The following TENM2 variants were observed in gnomAD, a reference collection of about 807,000 sequenced individuals.
TENM2 encodes teneurin transmembrane protein 2.
TENM2 carries 52 observed loss-of-function variants against 245.2 expected under a neutral mutation model. The ratio of observed to expected loss-of-function variants is 0.21; its 90% confidence interval spans 0.17 to 0.27. TENM2 has a LOEUF of 0.27. Among genes scored for constraint, TENM2 ranks in the 10% least tolerant of loss-of-function variants. The pLI is 1.00. For synonymous variants in TENM2, 1,363 were observed against 1,438.9 expected (o/e 0.95, Z 1.19); for missense variants, 3,046 against 3,666.8 (o/e 0.83, Z 4.37).
At chr5:167,439,253 T>G (rs1764750505) in intron 2 of TENM2, among the ~76,000 whole-genome samples, 1 of 152,144 alleles carries the variant, frequency 6.6e-6, no homozygotes, top group African/African-American at 2.4e-5. Context: ...ATTAGAAGCT[T>G]TAAAGTCATT....
intron 3 of TENM2, among the ~76,000 whole-genome samples, chr5:167,941,483 G>A (rs1779174596): frequency 6.6e-6 from 1 of 152,062 alleles, no homozygotes; most frequent in Middle Eastern, 3.2e-3. Flanking sequence ...TAGGAAAATG[G>A]TCCCTTATTC....
At position 167,356,075 on chromosome 5, in the gene TENM2, G is replaced by A. The variant is rs925253427; in HGVS notation, c.227-19123G>A. 1.1e-4 allele frequency among the ~76,000 whole-genome samples: 16 copies of A among 150,258 alleles called. No individual in the cohort carries two copies. The East Asian group carries it at 3.0e-3, about 28-fold the overall frequency. ...CGGGTGCCTGTAATCCCAGCTACTCGGGAGGCTGAGACAGGAGAATCGTTT... is the reference window on the plus strand; with the variant it reads ...CGGGTGCCTGTAATCCCAGCTACTCAGGAGGCTGAGACAGGAGAATCGTTT... On this transcript the variant is annotated intron_variant, in intron 1 of 28. Transcript: ENST00000518659.
chr5:167,253,955 C>T, the TENM2 span, among the ~76,000 whole-genome samples: 5 of 152,048 alleles, frequency 3.3e-5, no homozygotes, highest in Non-Finnish European at 7.4e-5. Flanking sequence ...GGGAAGTTTA[C>T]TTGAATAAGT....
At chr5:167,874,336 G>A (rs755528199) in intron 2 of TENM2, among the ~76,000 whole-genome samples, 4 of 152,008 alleles carry the variant, frequency 2.6e-5, no homozygotes, top group Non-Finnish European at 5.9e-5. Flanking sequence ...ACATTTTATT[G>A]AACCAAATGA....
intron 2 of TENM2, among the ~76,000 whole-genome samples, chr5:167,522,378 T>G (rs1770818743): frequency 1.3e-5 from 2 of 151,508 alleles, no homozygotes; most frequent in African/African-American, 4.9e-5. Flanking sequence ...ACTCTGATGA[T>G]TATGAAAAAG....
At chr5:167,437,857 C>T (rs537314735) in intron 2 of TENM2, among the ~76,000 whole-genome samples, 22 of 152,088 alleles carry the variant, frequency 1.4e-4, no homozygotes, top group Non-Finnish European at 1.6e-4. Flanking sequence ...GTGAGGCCTC[C>T]GCAGCCACGT....
chr5:168,043,698 A>C (rs1788386836), intron 5 of TENM2, among the ~76,000 whole-genome samples: 1 of 152,214 alleles, frequency 6.6e-6, no homozygotes, highest in East Asian at 1.9e-4. Context: ...GTAACAGTTC[A>C]TGTCTTCATA....
the TENM2 span, among the ~76,000 whole-genome samples, chr5:167,128,979 C>T: frequency 1.3e-3 from 202 of 152,292 alleles, 1 homozygote; most frequent in Middle Eastern, 6.8e-3. Context: ...TATTTACTGC[C>T]TCTGATAGTG....
chr5:167,437,896 CT>C, intron 2 of TENM2, among the ~76,000 whole-genome samples: 1 of 152,302 alleles, frequency 6.6e-6, no homozygotes, highest in Admixed American at 6.5e-5. Flanking sequence ...AAACCTCTTT[CT>C]TTTGTAAATT....
chr5:168,110,134 T>C (rs1794568107), intron 9 of TENM2, among the ~76,000 whole-genome samples: 1 of 149,742 alleles, frequency 6.7e-6, no homozygotes, highest in African/African-American at 2.5e-5. Flanking sequence ...AACTTGTACA[T>C]GTGATGCACA....
chr5:168,156,013 C>A (rs1047557147), intron 12 of TENM2, among the ~76,000 whole-genome samples: 7 of 151,414 alleles, frequency 4.6e-5, no homozygotes, highest in Admixed American at 3.9e-4. Flanking sequence ...TTCTTCTAGA[C>A]CCTGAGAATA....
At chr5:168,038,875 A>C (rs1477542466) in intron 5 of TENM2, among the ~76,000 whole-genome samples, 1 of 151,218 alleles carries the variant, frequency 6.6e-6, no homozygotes, top group African/African-American at 2.4e-5. Context: ...CCCTCCTGGC[A>C]TGTTCCCCCA....
the TENM2 span, among the ~76,000 whole-genome samples, chr5:167,251,804 T>G: frequency 6.6e-6 from 1 of 152,184 alleles, no homozygotes; most frequent in Non-Finnish European, 1.5e-5. Flanking sequence ...TTTTTAGTTT[T>G]ACTTTGGGCA....
At chr5:167,514,580 G>A (rs1447845021) in intron 2 of TENM2, among the ~76,000 whole-genome samples, 2 of 152,332 alleles carry the variant, frequency 1.3e-5, no homozygotes, top group East Asian at 3.9e-4. Context: ...TAGAAAATAA[G>A]TTCTAGAGAT....
At chr5:167,245,585 T>C in the TENM2 span, among the ~76,000 whole-genome samples, 2 of 151,954 alleles carry the variant, frequency 1.3e-5, no homozygotes, top group Non-Finnish European at 1.5e-5. Context: ...GTTTGTATTA[T>C]TTACACTAAC....
intron 2 of TENM2, among the ~76,000 whole-genome samples, chr5:167,495,642 A>G (rs1768766663): frequency 6.6e-6 from 1 of 152,026 alleles, no homozygotes; most frequent in South Asian, 2.1e-4. Flanking sequence ...GATTTCTGAG[A>G]TCCGGATTGT....
At chr5:168,246,933 T>C (rs1015354944) in exon 27 of TENM2, 4 of 1,613,904 alleles carry the variant, frequency 2.5e-6, no homozygotes, top group Non-Finnish European at 3.4e-6. Flanking sequence ...CGGTCATCTT[T>C]GACTACAGTG....
chr5:167,589,138 G>T (rs1303114745), intron 2 of TENM2, among the ~76,000 whole-genome samples: 2 of 150,798 alleles, frequency 1.3e-5, no homozygotes, highest in Non-Finnish European at 2.9e-5. Flanking sequence ...GGAGGTGGAG[G>T]TTGCAGTGAA....
chr5:167,643,160 C>T lies in TENM2; in HGVS notation c.503-232826C>T, dbSNP rs1779720664. On this transcript the variant is annotated intron_variant, in intron 2 of 28. Coordinates refer to ENST00000518659, the Ensembl canonical transcript of TENM2. ...AAATTGTCCATCTGAGGGTAGAATTCAATGATTTTTGGTAACTTTACTGAA... is the reference window on the plus strand; with the variant it reads ...AAATTGTCCATCTGAGGGTAGAATTTAATGATTTTTGGTAACTTTACTGAA... Among the ~76,000 whole-genome samples the T allele has an allele frequency of 2.6e-5, 4 of 152,160 alleles. No homozygotes were observed. The South Asian group carries it at 8.3e-4, about 32-fold the overall frequency.
Sources: allele counts gnomAD v4.1 joint callset (sites outside exome capture counted in the v4.1 genomes callset), GRCh38; gene constraint gnomAD v4.1.1; transcripts MANE v1.5; gene names NCBI Gene and HGNC (gene_info 2026-07-23, HGNC 2026-07-21).